OR6C1: variants seen among roughly 807,000 people sequenced by gnomAD.
OR6C1 encodes the protein olfactory receptor family 6 subfamily C member 1.
For synonymous variants in OR6C1, 157 were observed against 133.3 expected (o/e 1.18, Z -1.22); for missense variants, 386 against 366.1 (o/e 1.05, Z -0.44).
At chr12:55,316,537 A>G (rs1868413659) in intron 1 of OR6C1, among the ~76,000 whole-genome samples, 1 of 151,910 alleles carries the variant, frequency 6.6e-6, no homozygotes, top group Non-Finnish European at 1.5e-5. Context: ...GCATTCAGAT[A>G]TAAAAATCCA....
At chr12:55,318,494 T>A (rs1868453694) in intron 1 of OR6C1, among the ~76,000 whole-genome samples, 1 of 151,682 alleles carries the variant, frequency 6.6e-6, no homozygotes, top group Non-Finnish European at 1.5e-5. Flanking sequence ...CAGGACACCA[T>A]CCCATTTCCA....
chr12:55,320,667 T>C lies in OR6C1; in HGVS notation c.68T>C (p.Val23Ala). 3.1e-6 allele frequency: 5 copies of C among 1,613,708 alleles called. 1 individual carries two copies. The highest frequency in any genetic ancestry group is 2.5e-6 in the Non-Finnish European group (3 of 1,179,740). ...LGLTDDPNFQVVIFVFLLITY... is the reference protein window; with the variant it reads ...LGLTDDPNFQAVIFVFLLITY... ...TTAACAGATGACCCAAATTTTCAGG[T>C]TGTAATCTTTGTCTTCCTGCTCATC... is the stretch of plus-strand genomic sequence containing the variant. Residue 23 changes from valine (V) to alanine (A), a missense_variant, in exon 2 of 2, where the codon GTT becomes GCT. Transcript: ENST00000642104.
At chr12:55,316,055 G>A (rs1868403481) in intron 1 of OR6C1, among the ~76,000 whole-genome samples, 1 of 148,516 alleles carries the variant, frequency 6.7e-6, no homozygotes, top group African/African-American at 2.5e-5. Flanking sequence ...ACTAAGGGAG[G>A]GCTCAACTCA....
intron 1 of OR6C1, 65 bp from the exon 2 acceptor site, chr12:55,320,502 C>A: frequency 1.4e-6 from 1 of 727,228 alleles, no homozygotes; most frequent in Non-Finnish European, 2.3e-6. Flanking sequence ...CAAACTCCAG[C>A]TCCGTACTTG....
At chr12:55,319,676 C>T (rs1047168049) in intron 1 of OR6C1, among the ~76,000 whole-genome samples, 1 of 152,144 alleles carries the variant, frequency 6.6e-6, no homozygotes, top group Non-Finnish European at 1.5e-5. Context: ...TTACAGCAGG[C>T]AGTTTCAGCA....
chr12:55,319,431 A>T (rs74449069), intron 1 of OR6C1, among the ~76,000 whole-genome samples: 1 of 152,230 alleles, frequency 6.6e-6, no homozygotes, highest in Non-Finnish European at 1.5e-5. Flanking sequence ...CAAGGAATAC[A>T]CACAGACCAG....
rs1246999121 is a variant in OR6C1, at chr12:55,316,312, C to T, written c.-34+1713C>T. ...GTCATCGTTAATATTTACCTGATGGCAGAGCAAGATATAGGGTTGTTTCTA... is the reference window on the plus strand; with the variant it reads ...GTCATCGTTAATATTTACCTGATGGTAGAGCAAGATATAGGGTTGTTTCTA... On this transcript the variant is annotated intron_variant, in intron 1 of 1. Coordinates refer to ENST00000642104, the MANE Select transcript of OR6C1 (RefSeq NM_001005182.2). Among the ~76,000 whole-genome samples, 9 of 151,734 alleles carry T rather than the reference C, an allele frequency of 5.9e-5. No individual in the cohort carries two copies. The Admixed American group carries it at 5.9e-4, about 10-fold the overall frequency.
At position 55,316,995 on chromosome 12, in the gene OR6C1, T is replaced by TA. The variant is rs538342435; in HGVS notation, c.-34+2404dup. On this transcript the variant is annotated intron_variant, in intron 1 of 1. Transcript: ENST00000642104. ...ATGGTATTATTACTGAGTAAAGTGT[T>TA]AAAAAAAATTAGCAGGGAATTTAAG... Among the ~76,000 whole-genome samples the TA allele has an allele frequency of 1.7e-4, 26 of 151,732 alleles. No homozygotes were observed. The East Asian group carries it at 2.7e-3, about 16-fold the overall frequency.
rs537099822 is a variant in OR6C1, at chr12:55,317,128, T to C, written c.-34+2529T>C. 2.0e-5 allele frequency among the ~76,000 whole-genome samples: 3 copies of C among 152,100 alleles called. No homozygotes were observed. The East Asian group carries it at 5.8e-4, about 29-fold the overall frequency. ...ATATAATATATATTTTTTAAAAACTTGAGTCTCTCATGTCAGTAAATTGTT... is the reference window on the plus strand; with the variant it reads ...ATATAATATATATTTTTTAAAAACTCGAGTCTCTCATGTCAGTAAATTGTT... On this transcript the variant is annotated intron_variant, in intron 1 of 1. Transcript: ENST00000642104.
Position 55,321,780 on chromosome 12 carries a change from A to G in OR6C1, c.*242A>G. The G allele has an allele frequency of 3.0e-6, 1 of 335,722 alleles. No individual in the cohort carries two copies. Among genetic ancestry groups the G allele is most frequent in the Non-Finnish European group, 5.4e-6 (1 of 186,276 alleles). The allele number at this position is 335,722 out of a possible 1,614,324, so 20.8% of individuals were successfully genotyped here. On this transcript the variant is annotated 3_prime_UTR_variant, in exon 2 of 2. Coordinates refer to ENST00000642104, the MANE Select transcript of OR6C1 (RefSeq NM_001005182.2). ...CAAGCTCTTCAAGAATATTTTGAAA[A>G]CTAAAATTATTCTTCAGTTTACTTC... is the stretch of plus-strand genomic sequence containing the variant.
Position 55,321,254 on chromosome 12 carries a change from A to G in OR6C1, c.655A>G (p.Ile219Val), listed in dbSNP as rs1309710105. ...LALIFLSYIY[I>V]IRTILRIPST... ...ATTAATATTTCTGTCCTACATATAC[A>G]TTATCAGAACAATTTTGAGAATTCC... The change falls in exon 2 of 2, where the codon ATT (isoleucine) becomes GTT (valine). Residue 219 changes from isoleucine to valine, a missense_variant. Coordinates refer to ENST00000642104, the MANE Select transcript of OR6C1 (RefSeq NM_001005182.2). 2 of 1,613,904 alleles carry G rather than the reference A, an allele frequency of 1.2e-6. No homozygotes were observed. The highest frequency in any genetic ancestry group is 1.7e-6 in the Non-Finnish European group (2 of 1,179,822).
intron 1 of OR6C1, among the ~76,000 whole-genome samples, chr12:55,318,552 G>T (rs1418066045): frequency 6.6e-6 from 1 of 150,468 alleles, no homozygotes; most frequent in African/African-American, 2.4e-5. Context: ...ATAGAACAAA[G>T]CCTCATACAG....
At chr12:55,318,666 T>C (rs1002777642) in intron 1 of OR6C1, among the ~76,000 whole-genome samples, 1 of 148,552 alleles carries the variant, frequency 6.7e-6, no homozygotes, top group South Asian at 2.1e-4. Flanking sequence ...ATTATACAAA[T>C]ACACATATTT....
chr12:55,314,469 G>A lies in OR6C1; in HGVS notation c.-164G>A, dbSNP rs1017900657. 3 of 151,436 alleles carry A rather than the reference G, an allele frequency of 2.0e-5. No homozygotes were observed. The highest frequency in any genetic ancestry group is 7.3e-5 in the African/African-American group (3 of 41,304). 9.4% of individuals were successfully genotyped at this position (151,436 alleles called of 1,614,324 possible). A position where few individuals can be genotyped will look rare whatever the true frequency, so the allele number is the denominator to read the frequency against. ...AATTAAGACAAAAGATTGAAAATAG[G>A]AAGAAAATTTCTTCAATGAGAAAGT... On this transcript the variant is annotated 5_prime_UTR_variant, in exon 1 of 2. Transcript: ENST00000642104.
chr12:55,321,514 G>A lies in OR6C1; in HGVS notation c.915G>A (p.Lys305=). Residue 305 remains lysine, a synonymous_variant, in exon 2 of 2, where the codon AAG becomes AAA. Coordinates refer to ENST00000642104, the MANE Select transcript of OR6C1 (RefSeq NM_001005182.2). ...VKQAFINMAR[K]TVFFTST Reference sequence around the variant, plus strand: ...AAGCTTTCATTAACATGGCAAGGAAGACTGTATTTTTCACAAGCACATGAA... The same window carrying A: ...AAGCTTTCATTAACATGGCAAGGAAAACTGTATTTTTCACAAGCACATGAA... The A allele has an allele frequency of 6.2e-7, 1 of 1,611,804 alleles. No individual in the cohort carries two copies. Among genetic ancestry groups the A allele is most frequent in the Admixed American group, 1.7e-5 (1 of 59,720 alleles).
At chr12:55,318,843 T>A (rs1335573246) in intron 1 of OR6C1, among the ~76,000 whole-genome samples, 3 of 151,512 alleles carry the variant, frequency 2.0e-5, no homozygotes, top group Admixed American at 1.3e-4. Flanking sequence ...TTAAGTGATT[T>A]TCAGACGTAG....
In OR6C1 at chr12:55,321,116, G is replaced by T; in HGVS notation, c.517G>T (p.Asp173Tyr). ...TCATTACTGTAGGTCTAATATTATTGACCATTTTACCTGTGATTATTTTCC... is the reference window on the plus strand; with the variant it reads ...TCATTACTGTAGGTCTAATATTATTTACCATTTTACCTGTGATTATTTTCC... ...KLHYCRSNII[D>Y]HFTCDYFPLL... Residue 173 changes from aspartate to tyrosine, a missense_variant, in exon 2 of 2, where the codon GAC becomes TAC. Physicochemically the swap from Asp to Tyr is radical, Grantham distance 160. Transcript: ENST00000642104. The T allele has an allele frequency of 6.2e-7, 1 of 1,613,704 alleles. No homozygotes were observed. Among genetic ancestry groups the T allele is most frequent in the South Asian group, 1.1e-5 (1 of 91,018 alleles).
In OR6C1 at chr12:55,322,092, A is replaced by G. The variant is rs1158884256; in HGVS notation, c.*554A>G. The G allele has an allele frequency of 6.6e-6, 1 of 152,086 alleles. No individual in the cohort carries two copies. 9.4% of individuals were successfully genotyped at this position (152,086 alleles called of 1,614,324 possible). A position where few individuals can be genotyped will look rare whatever the true frequency, so the allele number is the denominator to read the frequency against. On this transcript the variant is annotated 3_prime_UTR_variant, in exon 2 of 2. Transcript: ENST00000642104. ...TAAAGGAGCCTAGACCATTATCAATATATACTTTTTTGTTATAAGTGCTAA... is the reference window on the plus strand; with the variant it reads ...TAAAGGAGCCTAGACCATTATCAATGTATACTTTTTTGTTATAAGTGCTAA...
intron 1 of OR6C1, 61 bp from the exon 2 acceptor site, chr12:55,320,506 G>T: frequency 1.3e-6 from 1 of 753,824 alleles, no homozygotes; most frequent in Non-Finnish European, 2.2e-6. Flanking sequence ...CTCCAGCTCC[G>T]TACTTGGATA....
Sources: gnomAD v4.1 joint callset for allele counts (sites outside exome capture counted in the v4.1 genomes callset) on GRCh38, gnomAD v4.1.1 for gene constraint, MANE v1.5 for transcripts, NCBI Gene and HGNC (gene_info 2026-07-23, HGNC 2026-07-21) for gene names.